The following EPHA6 variants were observed in gnomAD, a reference collection of about 807,000 sequenced individuals.
EPHA6 encodes ephrin type-A receptor 6.
Under a neutral mutation model 112.0 loss-of-function variants are expected in EPHA6, and 50 were observed. The ratio of observed to expected loss-of-function variants is 0.45; its 90% confidence interval spans 0.36 to 0.56. The LOEUF (loss-of-function observed/expected upper bound fraction) is 0.56. Among genes scored for constraint, EPHA6 ranks in the 20% least tolerant of loss-of-function variants. The probability of loss-of-function intolerance (pLI) is 0.00; values close to 1 mark genes in which losing one functional copy is unlikely to be tolerated. For missense variants in EPHA6, 1,280 were observed against 1,417.4 expected, an observed-to-expected ratio of 0.90 and a Z score of 1.56; for synonymous variants, 529 against 490.7, an observed-to-expected ratio of 1.08 and a Z score of -1.03.
intron 2 of EPHA6, among the ~76,000 whole-genome samples, chr3:96,954,059 A>C (rs1158359787): frequency 1.3e-5 from 2 of 151,922 alleles, no homozygotes; most frequent in African/African-American, 4.8e-5. Flanking sequence ...TTTTTTGTAA[A>C]GATGAAGTCT....
At chr3:97,065,321 G>A (rs28722521) in intron 3 of EPHA6, among the ~76,000 whole-genome samples, 2,165 of 152,206 alleles carry the variant, frequency 0.014, 54 homozygotes, top group African/African-American at 0.049. Context: ...TTGGTTAAAT[G>A]TTCAAAGTAG....
At chr3:97,548,402 A>T (rs1293057335) in intron 11 of EPHA6, among the ~76,000 whole-genome samples, 2 of 152,156 alleles carry the variant, frequency 1.3e-5, no homozygotes, top group Non-Finnish European at 2.9e-5. Flanking sequence ...CTATAAAGTT[A>T]TTTTTCCCTT....
chr3:97,200,163 G>C (rs951568613), intron 3 of EPHA6, among the ~76,000 whole-genome samples: 1 of 152,098 alleles, frequency 6.6e-6, no homozygotes, highest in African/African-American at 2.4e-5. Flanking sequence ...TTAAACTCAG[G>C]CACTCAATCA....
At chr3:96,909,502 C>A (rs1017685894) in intron 2 of EPHA6, among the ~76,000 whole-genome samples, 1 of 151,750 alleles carries the variant, frequency 6.6e-6, no homozygotes, top group Admixed American at 6.6e-5. Flanking sequence ...TTTAAATTGA[C>A]TATACAATGT....
chr3:97,287,666 G>A (rs528178008), intron 5 of EPHA6, among the ~76,000 whole-genome samples: 10 of 152,204 alleles, frequency 6.6e-5, no homozygotes, highest in Non-Finnish European at 1.5e-5. Flanking sequence ...CTATTGTGAT[G>A]ATCATGTTAT....
At chr3:97,152,293 A>G (rs2076187943) in intron 3 of EPHA6, among the ~76,000 whole-genome samples, 2 of 151,896 alleles carry the variant, frequency 1.3e-5, no homozygotes, top group African/African-American at 4.8e-5. Context: ...ATAATAATAG[A>G]GTTTATATTA....
intron 2 of EPHA6, among the ~76,000 whole-genome samples, chr3:96,867,255 G>A (rs1444381040): frequency 6.6e-6 from 1 of 151,720 alleles, no homozygotes; most frequent in African/African-American, 2.4e-5. Flanking sequence ...TTAAACTACT[G>A]TAGTATAAAT....
At chr3:97,040,075 A>G (rs2045259700) in intron 3 of EPHA6, among the ~76,000 whole-genome samples, 1 of 151,326 alleles carries the variant, frequency 6.6e-6, no homozygotes, top group Non-Finnish European at 1.5e-5. Context: ...AATAATGATA[A>G]TTATTAATGA....
chr3:96,890,339 G>GA (rs1219868741), intron 2 of EPHA6, among the ~76,000 whole-genome samples: 2 of 152,194 alleles, frequency 1.3e-5, no homozygotes, highest in South Asian at 2.1e-4. Context: ...TGACACGGTA[G>GA]AAAAAATGGA....
intron 3 of EPHA6, among the ~76,000 whole-genome samples, chr3:97,043,215 C>G (rs1398413899): frequency 1.3e-5 from 2 of 152,018 alleles, no homozygotes; most frequent in Non-Finnish European, 2.9e-5. Flanking sequence ...CAGCTAAGGC[C>G]TCAGTCCTAA....
chr3:97,635,360 ATATTTTAAGGT>A (rs1183357749), intron 13 of EPHA6, among the ~76,000 whole-genome samples: 1 of 152,162 alleles, frequency 6.6e-6, no homozygotes. Context: ...GGTGACAAAA[ATATTTTAAGGT>A]TAATTTTTAA....
At chr3:97,361,522 C>T (rs1037257471) in intron 5 of EPHA6, among the ~76,000 whole-genome samples, 1 of 152,056 alleles carries the variant, frequency 6.6e-6, no homozygotes, top group African/African-American at 2.4e-5. Flanking sequence ...TTATTTCTTA[C>T]AGTTATGGAG....
intron 14 of EPHA6, among the ~76,000 whole-genome samples, chr3:97,717,035 G>T (rs1233821110): frequency 6.6e-6 from 1 of 151,914 alleles, no homozygotes. Flanking sequence ...ATGTTGGTCA[G>T]CCTGGCCGAC....
chr3:97,280,676 C>T (rs1192265398), intron 5 of EPHA6, among the ~76,000 whole-genome samples: 1 of 152,246 alleles, frequency 6.6e-6, no homozygotes, highest in East Asian at 1.9e-4. Flanking sequence ...AGCATGTATA[C>T]ATTTTTAAAA....
At chr3:97,299,641 C>T (rs779368603) in intron 5 of EPHA6, among the ~76,000 whole-genome samples, 2 of 152,032 alleles carry the variant, frequency 1.3e-5, no homozygotes, top group Admixed American at 1.3e-4. Context: ...GAGAAGATGA[C>T]GTCCATGATG....
At chr3:97,581,220 C>G (rs1302315469) in intron 11 of EPHA6, among the ~76,000 whole-genome samples, 2 of 152,166 alleles carry the variant, frequency 1.3e-5, no homozygotes, top group African/African-American at 2.4e-5. Flanking sequence ...CAGTGTTCAC[C>G]AATCTGTCTG....
At chr3:96,957,894 C>T (rs1361879461) in intron 2 of EPHA6, among the ~76,000 whole-genome samples, 2 of 152,060 alleles carry the variant, frequency 1.3e-5, no homozygotes, top group East Asian at 1.9e-4. Context: ...GTTTTCACTA[C>T]ATGTGGAAAC....
In EPHA6 at chr3:97,325,583, C is replaced by T. The variant is rs576490602; in HGVS notation, c.1607-79567C>T. 2.6e-5 allele frequency among the ~76,000 whole-genome samples: 4 copies of T among 152,152 alleles called. No individual in the cohort carries two copies. In the South Asian group the frequency reaches 8.3e-4, roughly 32 times the overall value. On this transcript the variant is annotated intron_variant, in intron 5 of 17. Transcript: ENST00000389672. ...AGGGATCTAATTCAGCCCCTAGCAT[C>T]CGTGTAAAGTACATAAAACAGTACC...
intron 3 of EPHA6, among the ~76,000 whole-genome samples, chr3:97,097,707 G>T (rs1469637343): frequency 6.6e-6 from 1 of 151,816 alleles, no homozygotes; most frequent in African/African-American, 2.4e-5. Flanking sequence ...TGTCAAGCCT[G>T]TATCCATAAT....
Sources: allele counts gnomAD v4.1 joint callset (sites outside exome capture counted in the v4.1 genomes callset), GRCh38; gene constraint gnomAD v4.1.1; transcripts MANE v1.5; gene names NCBI Gene and HGNC (gene_info 2026-07-23, HGNC 2026-07-21).